Variants in CACNA1E observed in about 807,000 individuals in gnomAD.
CACNA1E encodes voltage-dependent R-type calcium channel subunit alpha-1E.
CACNA1E carries 40 observed loss-of-function variants against 259.2 expected under a neutral mutation model. The ratio of observed to expected loss-of-function variants is 0.15; its 90% CI spans 0.12 to 0.20. The LOEUF (loss-of-function observed/expected upper bound fraction) is 0.20, where lower values mean the gene tolerates loss of function less well. Among genes scored for constraint, CACNA1E ranks in the 10% least tolerant of loss-of-function variants. The pLI is 1.00. For missense variants in CACNA1E, 1,874 were observed against 3,040.1 expected, an observed-to-expected ratio of 0.62 and a Z score of 9.02; for synonymous variants, 1,104 against 1,138.5, an observed-to-expected ratio of 0.97 and a Z score of 0.61.
chr1:181,457,662 A>T (rs1661546264), intron 2 of CACNA1E, among the ~76,000 whole-genome samples: 1 of 152,070 alleles, frequency 6.6e-6, no homozygotes, highest in African/African-American at 2.4e-5. Context: ...GGGAATGTGC[A>T]TAGGGGCAAG....
Position 181,792,776 on chromosome 1 carries a change from C to T in CACNA1E, c.5899-889C>T, listed in dbSNP as rs141815724. Among the ~76,000 whole-genome samples the T allele has an allele frequency of 6.0e-4, 92 of 152,304 alleles. 2 individuals are homozygous for T. In the East Asian group the frequency reaches 6.8e-3, roughly 11 times the overall value. On this transcript the variant is annotated intron_variant, in intron 44 of 47. Transcript: ENST00000367573. ...TTAGGTCTTTTTGTTAGGTAGCCCA[C>T]GTAAACATCTCTCATACAGCTCTTT...
At chr1:181,766,276 A>G (rs1482509399) in intron 34 of CACNA1E, among the ~76,000 whole-genome samples, 1 of 152,202 alleles carries the variant, frequency 6.6e-6, no homozygotes, top group Admixed American at 6.5e-5. Context: ...CTTTCCTTCT[A>G]GATATGGGCT....
chr1:181,732,885 C>T lies in CACNA1E; in HGVS notation c.2799C>T (p.Ser933=), dbSNP rs1655648368. Residue 933 remains serine (S), a synonymous_variant, in exon 20 of 48, where the codon TCC becomes TCT. Transcript: ENST00000367573. This position sits in a 1 kb window ranked among gnomAD's most constrained non-coding sequence, Gnocchi z 5.5. ...HRRVRTEGKE[S]SSASRSRSAS... ...GCGTCAGGACAGAAGGCAAGGAGTC[C>T]TCTTCAGCCTCCCGGAGCAGGTCTG... 2.5e-6 allele frequency: 4 copies of T among 1,614,064 alleles called. No individual in the cohort carries two copies. Among genetic ancestry groups the T allele is most frequent in the South Asian group, 2.2e-5 (2 of 91,084 alleles).
chr1:181,628,975 A>T (rs1656453415), intron 6 of CACNA1E, among the ~76,000 whole-genome samples: 1 of 152,140 alleles, frequency 6.6e-6, no homozygotes, highest in South Asian at 2.1e-4. Flanking sequence ...AGGCCCAGTG[A>T]TAGGGACTGG....
intron 6 of CACNA1E, among the ~76,000 whole-genome samples, chr1:181,590,601 G>A (rs1303179655): frequency 6.6e-6 from 1 of 151,962 alleles, no homozygotes; most frequent in Admixed American, 6.6e-5. Flanking sequence ...GCTTCTCCTA[G>A]TGCCCCTTTT....
At chr1:181,484,041 TC>T (rs1042636695) in intron 1 of CACNA1E, 31 bp downstream of exon 1, 8 of 1,598,174 alleles carry the variant, frequency 5.0e-6, no homozygotes, top group Non-Finnish European at 6.8e-6. Flanking sequence ...TAACTCCCTC[TC>T]CCCCTTTGCA....
intron 25 of CACNA1E, among the ~76,000 whole-genome samples, chr1:181,747,417 C>A (rs113149529): frequency 1.3e-5 from 2 of 149,866 alleles, no homozygotes; most frequent in African/African-American, 4.9e-5. Flanking sequence ...GGAAAATTCT[C>A]GTCTTTTACT....
At chr1:181,392,084 A>G (rs558859120) in intron 1 of CACNA1E, among the ~76,000 whole-genome samples, 29 of 152,162 alleles carry the variant, frequency 1.9e-4, no homozygotes, top group African/African-American at 6.0e-4. Context: ...AATATTCTTA[A>G]GAGAGGTCTG....
intron 7 of CACNA1E, among the ~76,000 whole-genome samples, chr1:181,673,000 T>C (rs1397931789): frequency 6.6e-6 from 1 of 152,026 alleles, no homozygotes; most frequent in Non-Finnish European, 1.5e-5. Flanking sequence ...AAGAATTGGC[T>C]GCAAAAGGGA....
chr1:181,514,926 C>T (rs566792498), intron 3 of CACNA1E, among the ~76,000 whole-genome samples: 1 of 152,254 alleles, frequency 6.6e-6, no homozygotes, highest in South Asian at 2.1e-4. Context: ...ATCTTGTCCT[C>T]ATAATGCCAT....
chr1:181,738,566 G>C (rs1656274728), intron 24 of CACNA1E, 140 bp downstream of exon 24: 1 of 722,310 alleles, frequency 1.4e-6, no homozygotes, highest in Non-Finnish European at 2.5e-6. Context: ...CCCTTCTCTG[G>C]CCTCAGAATC....
chr1:181,781,420 T>C lies in CACNA1E; in HGVS notation c.5268-7T>C, dbSNP rs1479413067. The C allele has an allele frequency of 3.4e-6, 5 of 1,491,230 alleles. No individual in the cohort carries two copies. Among genetic ancestry groups the C allele is most frequent in the African/African-American group, 1.4e-5 (1 of 72,358 alleles). The allele number at this position is 1,491,230 out of a possible 1,614,324, so 92.4% of individuals were successfully genotyped here. ...CCCCATCCCAACTCACCACCCTCCA[T>C]GAGCAGTGGCCGCATCCATTACACT... On this transcript the variant is annotated splice_polypyrimidine_tract_variant and splice_region_variant and intron_variant, in intron 38 of 47. Coordinates refer to ENST00000367573, the MANE Select transcript of CACNA1E (RefSeq NM_001205293.3).
intron 13 of CACNA1E, 134 bp downstream of exon 13, chr1:181,719,997 CT>C: frequency 1.3e-6 from 1 of 758,712 alleles, no homozygotes; most frequent in Admixed American, 2.9e-5. Flanking sequence ...CTTTTCTATT[CT>C]TTAGCTCTTC....
chr1:181,695,781 C>A (rs1019709239), intron 7 of CACNA1E, among the ~76,000 whole-genome samples: 2 of 152,066 alleles, frequency 1.3e-5, no homozygotes, highest in African/African-American at 4.8e-5. Flanking sequence ...ATGGCGAAAC[C>A]CCATCTCTAC....
chr1:181,574,949 C>G (rs944529865), intron 3 of CACNA1E, among the ~76,000 whole-genome samples: 1 of 151,644 alleles, frequency 6.6e-6, no homozygotes, highest in African/African-American at 2.4e-5. Flanking sequence ...CGCTTGAACT[C>G]AGGAAGCGGA....
intron 1 of CACNA1E, among the ~76,000 whole-genome samples, chr1:181,498,498 G>T (rs117348247): frequency 6.6e-6 from 1 of 152,240 alleles, no homozygotes; most frequent in East Asian, 1.9e-4. Context: ...ATTTTTGAAT[G>T]CTATTGTGGG....
At chr1:181,542,841 G>A (rs1364545648) in intron 3 of CACNA1E, among the ~76,000 whole-genome samples, 2 of 150,262 alleles carry the variant, frequency 1.3e-5, no homozygotes, top group Admixed American at 6.7e-5. Context: ...TAACTTTTGT[G>A]GAACAGTAGT....
At chr1:181,695,974 TAAG>T (rs1275244938) in intron 7 of CACNA1E, among the ~76,000 whole-genome samples, 1 of 152,084 alleles carries the variant, frequency 6.6e-6, no homozygotes, top group East Asian at 1.9e-4. Flanking sequence ...AATTAATAAA[TAAG>T]AATCTAGACC....
In CACNA1E at chr1:181,776,242, T is replaced by C; in HGVS notation, c.5267+14T>C. ...CCGAGCAGCATGGTGCGTAGGCCCC[T>C]CGGCCGCCCCAGCGGGGCCCAGAGC... On this transcript the variant is annotated intron_variant, in intron 38 of 47. Transcript: ENST00000367573. The surrounding 1 kb of genome is among the most constrained non-coding windows in gnomAD (Gnocchi z 4.4). 2 of 1,613,758 alleles carry C rather than the reference T, an allele frequency of 1.2e-6. No individual in the cohort carries two copies. Among genetic ancestry groups the C allele is most frequent in the African/African-American group, 1.3e-5 (1 of 75,038 alleles).
Sources: gnomAD v4.1 joint callset for allele counts (sites outside exome capture counted in the v4.1 genomes callset) on GRCh38, gnomAD v4.1.1 for gene constraint, Gnocchi (gnomAD v3.1) non-coding constraint, MANE v1.5 for transcripts, NCBI Gene and HGNC (gene_info 2026-07-23, HGNC 2026-07-21) for gene names.